The following GSE1 variants were observed in gnomAD, a reference collection of about 807,000 sequenced individuals.
The protein encoded by GSE1 is Gse1 coiled-coil protein, also known as genetic suppressor element 1.
In GSE1, 32 loss-of-function variants were observed where a neutral mutation model predicts 112.6. The ratio of observed to expected loss-of-function variants is 0.28; its 90% CI spans 0.21 to 0.38. The LOEUF (loss-of-function observed/expected upper bound fraction) is 0.38, where lower values mean the gene tolerates loss of function less well. Ranked by LOEUF, GSE1 falls within the 10% of genes least tolerant of loss-of-function variation. The pLI is 1.00. For missense variants in GSE1, 2,348 were observed against 1,699.2 expected (o/e 1.38, Z -6.71); for synonymous variants, 1,115 against 735.6 (o/e 1.52, Z -8.35).
intron 2 of GSE1, among the ~76,000 whole-genome samples, chr16:85,391,095 A>G (rs769050758): frequency 2.1e-4 from 32 of 151,890 alleles, no homozygotes; most frequent in Non-Finnish European, 3.8e-4. Context: ...CCGCCCCCCC[A>G]CCGCCCCAGC....
At chr16:85,247,186 T>C (rs369970409) in intron 1 of GSE1, among the ~76,000 whole-genome samples, 1 of 152,186 alleles carries the variant, frequency 6.6e-6, no homozygotes, top group African/African-American at 2.4e-5. Context: ...TGTCCTGGTC[T>C]TGATTTCGCC....
At chr16:85,223,222 T>C (rs1035748502) in intron 1 of GSE1, among the ~76,000 whole-genome samples, 2 of 152,220 alleles carry the variant, frequency 1.3e-5, no homozygotes, top group Non-Finnish European at 2.9e-5. Flanking sequence ...TTTAACCCTT[T>C]TAAAATTGTG....
chr16:85,304,475 C>T (rs1337176477), intron 1 of GSE1, among the ~76,000 whole-genome samples: 4 of 152,164 alleles, frequency 2.6e-5, no homozygotes, highest in East Asian at 3.9e-4. Context: ...GGGGCAGTGC[C>T]CTCAGCTCTG....
rs536549625 is a variant in GSE1, at chr16:85,206,272, C to T, written c.2283+34465C>T. Among the ~76,000 whole-genome samples, 126 of 152,074 alleles carry T rather than the reference C, an allele frequency of 8.3e-4. No individual in the cohort carries two copies. The Middle Eastern group carries it at 0.014, about 16-fold the overall frequency. On this transcript the variant is annotated intron_variant, in intron 1 of 2. Coordinates refer to the GSE1 transcript ENST00000637419. Reference sequence around the variant, plus strand: ...AAGGAGGCGGGCGTTGGGGGAAGCCCGGGCCGGAGACCTTCTTGGAGACCC... The same window carrying T: ...AAGGAGGCGGGCGTTGGGGGAAGCCTGGGCCGGAGACCTTCTTGGAGACCC...
intron 2 of GSE1, among the ~76,000 whole-genome samples, chr16:85,646,897 G>A (rs1319656512): frequency 6.6e-6 from 1 of 152,008 alleles, no homozygotes; most frequent in Admixed American, 6.5e-5. Context: ...CAACAAGGGG[G>A]GGGGTGGGGG....
intron 2 of GSE1, among the ~76,000 whole-genome samples, chr16:85,523,642 G>A (rs765306087): frequency 6.6e-6 from 1 of 152,224 alleles, no homozygotes; most frequent in Non-Finnish European, 1.5e-5. Flanking sequence ...CTGAGGGACA[G>A]AGGGGGTCCC....
chr16:85,175,526 C>T (rs2074444323), intron 1 of GSE1, among the ~76,000 whole-genome samples: 1 of 152,256 alleles, frequency 6.6e-6, no homozygotes, highest in Non-Finnish European at 1.5e-5. Context: ...GTGAGAGCGC[C>T]TGGCTCGCAG....
rs141494503 is a variant in GSE1 at position 85,508,608 on chromosome 16, G to A, written c.2465-125306G>A. ...CTGGATGGGTGTCAGGGCAGGGCCC[G>A]CGGCCTCTAAAACATCCTCGGGGAG... On this transcript the variant is annotated intron_variant, in intron 2 of 2. Transcript: ENST00000637419. Among the ~76,000 whole-genome samples the A allele has an allele frequency of 9.4e-3, 1,439 of 152,294 alleles. 6 individuals carry two copies. Among genetic ancestry groups the A allele is most frequent in the Non-Finnish European group, 0.012 (806 of 68,020 alleles).
At position 85,509,789 on chromosome 16, in the gene GSE1, G is replaced by A. The variant is rs111872614; in HGVS notation, c.2465-124125G>A. On this transcript the variant is annotated intron_variant, in intron 2 of 2. Transcript: ENST00000637419. ...CACATTCGTGAGGGTAAATGTGTGTGTGTGAGTCCCTTCCTCGCCTCTGTC... is the reference window on the plus strand; with the variant it reads ...CACATTCGTGAGGGTAAATGTGTGTATGTGAGTCCCTTCCTCGCCTCTGTC... Among the ~76,000 whole-genome samples, 201 of 152,312 alleles carry A rather than the reference G, an allele frequency of 1.3e-3. 1 individual carries two copies. Among genetic ancestry groups the A allele is most frequent in the Middle Eastern group, 0.01 (3 of 294 alleles).
At position 85,661,745 on chromosome 16, in the gene GSE1, G is replaced by A. The variant is rs1330959222; in HGVS notation, c.2240G>A (p.Arg747Gln). The stretch of plus-strand genomic sequence containing the variant: ...AAGCTGGACCTGGAGGAGCGCAGGC[G>A]GCGGGAGGCCCAGGAGAAAGGTCTG... ...VSKLDLEERR[R>Q]REAQEKGYYY... The change falls in exon 9 of 16, where the codon CGG (arginine) becomes CAG (glutamine). Residue 747 changes from arginine to glutamine, a missense_variant. Transcript: ENST00000253458. The A allele has an allele frequency of 1.9e-5, 29 of 1,544,058 alleles. No homozygotes were observed. The highest frequency in any genetic ancestry group is 2.4e-5 in the East Asian group (1 of 42,180).
chr16:85,442,876 A>G (rs1428587613), intron 2 of GSE1, among the ~76,000 whole-genome samples: 1 of 152,170 alleles, frequency 6.6e-6, no homozygotes, highest in Non-Finnish European at 1.5e-5. Context: ...TTTCTCCTGG[A>G]GGTCCCCGGA....
In GSE1 at chr16:85,640,603, G is replaced by A. The variant is rs554861474; in HGVS notation, c.226+6471G>A. ...CTGAGTGAGTGGGGACTACGTGTGC[G>A]GGGACCACGGAGCAGGGACCACAGA... On this transcript the variant is annotated intron_variant, in intron 2 of 15. Coordinates refer to ENST00000253458, the MANE Select transcript of GSE1 (RefSeq NM_014615.5). Among the ~76,000 whole-genome samples, 21 of 152,330 alleles carry A rather than the reference G, an allele frequency of 1.4e-4. No individual in the cohort carries two copies. In the South Asian group the frequency reaches 2.9e-3, roughly 21 times the overall value.
chr16:85,613,429 G>A lies in GSE1; in HGVS notation c.7+31G>A, dbSNP rs1333844667. ...CGCGCCGCACCCGGCCGGGGACGGG[G>A]TCCTCCCCCCTCCCCCCACCGCACT... On this transcript the variant is annotated intron_variant, in intron 1 of 15. Coordinates refer to ENST00000253458, the MANE Select transcript of GSE1 (RefSeq NM_014615.5). 6.5e-6 allele frequency: 10 copies of A among 1,539,986 alleles called. No homozygotes were observed. The African/African-American group carries it at 7.0e-5, about 11-fold the overall frequency.
intron 2 of GSE1, among the ~76,000 whole-genome samples, chr16:85,508,491 G>C (rs1048458896): frequency 1.3e-5 from 2 of 152,208 alleles, no homozygotes; most frequent in African/African-American, 4.8e-5. Context: ...ACACGCCATG[G>C]AGGGTAGGGA....
intron 1 of GSE1, among the ~76,000 whole-genome samples, chr16:85,305,918 C>T (rs2045665176): frequency 6.6e-6 from 1 of 151,984 alleles, no homozygotes; most frequent in African/African-American, 2.4e-5. Context: ...GGTGAAACAC[C>T]GTCTCTACTA....
intron 1 of GSE1, among the ~76,000 whole-genome samples, chr16:85,302,966 T>A (rs569934212): frequency 1.8e-4 from 27 of 152,280 alleles, no homozygotes; most frequent in African/African-American, 6.3e-4. Context: ...AGCCTCGGCC[T>A]CCCCACTGCT....
chr16:85,499,613 G>A (rs548570043), intron 2 of GSE1, among the ~76,000 whole-genome samples: 5 of 152,188 alleles, frequency 3.3e-5, no homozygotes, highest in African/African-American at 7.2e-5. Context: ...GCAGAAAGTC[G>A]TCTTTAAGAA....
rs117094497 is a variant in GSE1, at chr16:85,401,773, G to C, written c.2464+44130G>C. ...ACTGGGGTTGATACCCGTCCATGCT[G>C]CTACTGTGGGGGAGGGCCGAGAGCA... On this transcript the variant is annotated intron_variant, in intron 2 of 2. Transcript: ENST00000637419. Among the ~76,000 whole-genome samples, 6 of 152,354 alleles carry C rather than the reference G, an allele frequency of 3.9e-5. No individual in the cohort carries two copies. The East Asian group carries it at 1.2e-3, about 29-fold the overall frequency.
chr16:85,277,341 G>T lies in GSE1; in HGVS notation c.2284-80122G>T, dbSNP rs995967805. On this transcript the variant is annotated intron_variant, in intron 1 of 2. Coordinates refer to the GSE1 transcript ENST00000637419. ...TGGGGTGCCTTGGAGCCCTCCACAG[G>T]AGCCCTGAAGGAGAGAATGGGGTTC... Among the ~76,000 whole-genome samples the T allele has an allele frequency of 2.6e-5, 4 of 152,178 alleles. No homozygotes were observed. In the South Asian group the frequency reaches 8.3e-4, roughly 32 times the overall value.
Sources: allele counts gnomAD v4.1 joint callset (sites outside exome capture counted in the v4.1 genomes callset), GRCh38; gene constraint gnomAD v4.1.1; transcripts MANE v1.5; gene names NCBI Gene and HGNC (gene_info 2026-07-23, HGNC 2026-07-21).